Variants in SFMBT1 observed in about 807,000 individuals in gnomAD.
SFMBT1 encodes Scm like with four mbt domains 1.
Under a neutral mutation model 108.7 loss-of-function variants are expected in SFMBT1, and 32 were observed. The observed-to-expected ratio is 0.29, with a 90% CI of 0.22 to 0.40. The LOEUF (loss-of-function observed/expected upper bound fraction) is 0.40, where lower values mean the gene tolerates loss of function less well. Ranked by LOEUF, SFMBT1 falls within the 10% of genes least tolerant of loss-of-function variation. SFMBT1 has a pLI of 1.00. For synonymous variants in SFMBT1, 348 were observed against 369.5 expected (o/e 0.94, Z 0.67); for missense variants, 816 against 1,059.6 (o/e 0.77, Z 3.19).
chr3:52,973,161 G>A (rs981544176), intron 1 of SFMBT1, among the ~76,000 whole-genome samples: 3 of 152,138 alleles, frequency 2.0e-5, no homozygotes, highest in Non-Finnish European at 4.4e-5. Context: ...AGGTTACCAT[G>A]AGCAATGATC....
In SFMBT1 at chr3:52,913,614, A is replaced by C. The variant is rs777390457; in HGVS notation, c.1484T>G (p.Met495Arg). The stretch of plus-strand genomic sequence containing the variant: ...TGGACAGCAATATTTTCCATTAATC[A>C]TAACTGGGAAATGAAGAAAAACAAA... ...NQELNSTESVMINGKYCCPKI... is the reference protein window; with the variant it reads ...NQELNSTESVRINGKYCCPKI... The change falls in exon 15 of 21, where the codon ATG becomes AGG. Residue 495 changes from methionine to arginine, a missense_variant. By Grantham distance (91) the Met-to-Arg change is moderately conservative. Coordinates refer to ENST00000394752, the MANE Select transcript of SFMBT1 (RefSeq NM_016329.4). 7 of 1,612,954 alleles carry C rather than the reference A, an allele frequency of 4.3e-6. No homozygotes were observed. The highest frequency in any genetic ancestry group is 2.2e-5 in the East Asian group (1 of 44,880).
intron 10 of SFMBT1, among the ~76,000 whole-genome samples, chr3:52,923,759 G>A (rs1702580941): frequency 6.6e-6 from 1 of 151,792 alleles, no homozygotes; most frequent in African/African-American, 2.4e-5. Context: ...GATCCAGAGG[G>A]CCACAACCAA....
chr3:52,917,801 C>A (rs1282571725), intron 13 of SFMBT1, among the ~76,000 whole-genome samples: 3 of 152,132 alleles, frequency 2.0e-5, no homozygotes, highest in African/African-American at 4.8e-5. Flanking sequence ...AGTTTCATCC[C>A]AAAACCATTC....
chr3:52,962,808 C>CAAAAAAAAA lies in SFMBT1; in HGVS notation c.28+6284_28+6292dup, dbSNP rs369325114. Among the ~76,000 whole-genome samples, 461 of 101,372 alleles carry CAAAAAAAAA rather than the reference C, an allele frequency of 4.5e-3. 29 individuals are homozygous for CAAAAAAAAA. Among genetic ancestry groups the CAAAAAAAAA allele is most frequent in the African/African-American group, 0.018 (439 of 24,674 alleles). The allele number at this position is 101,372 out of a possible 152,430, so 66.5% of individuals were successfully genotyped here. A position where few individuals can be genotyped will look rare whatever the true frequency, so the allele number is the denominator to read the frequency against. ...GGTGACAGAGCAAGGCTCCCTGTCT[C>CAAAAAAAAA]AAAAAAAAAAAAAAAAGGAGAGGGA... On this transcript the variant is annotated intron_variant, in intron 2 of 20. Transcript: ENST00000394752.
At chr3:53,007,310 C>T (rs566566493) in intron 1 of SFMBT1, among the ~76,000 whole-genome samples, 1 of 152,340 alleles carries the variant, frequency 6.6e-6, no homozygotes, top group East Asian at 1.9e-4. Flanking sequence ...GAATATCAGG[C>T]TGCCTGCCAC....
At chr3:53,043,214 C>G (rs1400739134) in intron 1 of SFMBT1, 1 of 151,974 alleles carries the variant, frequency 6.6e-6, no homozygotes, top group Non-Finnish European at 1.5e-5. Context: ...CAAATTGTTG[C>G]AGCATTTGCT....
At chr3:52,982,943 T>A (rs1041945664) in intron 1 of SFMBT1, among the ~76,000 whole-genome samples, 1 of 152,142 alleles carries the variant, frequency 6.6e-6, no homozygotes, top group Non-Finnish European at 1.5e-5. Context: ...AGGACTGCTT[T>A]TATGACAAGA....
At chr3:53,029,474 G>GC in intron 1 of SFMBT1, among the ~76,000 whole-genome samples, 1 of 152,236 alleles carries the variant, frequency 6.6e-6, no homozygotes, top group East Asian at 1.9e-4. Context: ...CAGAACAGGA[G>GC]CAGCATTTTT....
At chr3:52,983,222 C>T (rs1379173400) in intron 1 of SFMBT1, among the ~76,000 whole-genome samples, 2 of 152,242 alleles carry the variant, frequency 1.3e-5, no homozygotes, top group East Asian at 3.9e-4. Context: ...GGATGAAGAC[C>T]TTTATGATGA....
chr3:52,983,160 C>A (rs1704775307), intron 1 of SFMBT1, among the ~76,000 whole-genome samples: 1 of 152,204 alleles, frequency 6.6e-6, no homozygotes, highest in Non-Finnish European at 1.5e-5. Flanking sequence ...AAGACAGCAA[C>A]ACCAACCTCT....
chr3:53,007,130 T>C (rs970337676), intron 1 of SFMBT1, among the ~76,000 whole-genome samples: 1 of 152,258 alleles, frequency 6.6e-6, no homozygotes, highest in African/African-American at 2.4e-5. Context: ...GTTTCAATGA[T>C]ACTAAAATGC....
At chr3:52,908,585 A>AT (rs956572991) in intron 17 of SFMBT1, among the ~76,000 whole-genome samples, 6 of 151,378 alleles carry the variant, frequency 4.0e-5, no homozygotes, top group African/African-American at 1.2e-4. Context: ...CCATTGTTCT[A>AT]TTTTTTTGAG....
chr3:52,994,586 GCCTCCTGGATT>G (rs988868755), intron 1 of SFMBT1, among the ~76,000 whole-genome samples: 5 of 150,398 alleles, frequency 3.3e-5, no homozygotes, highest in Non-Finnish European at 6.0e-5. Context: ...CACAATCTCC[GCCTCCTGGATT>G]CAAGCAATTC....
intron 1 of SFMBT1, among the ~76,000 whole-genome samples, chr3:52,980,888 C>A (rs932342684): frequency 6.6e-6 from 1 of 152,158 alleles, no homozygotes; most frequent in Non-Finnish European, 1.5e-5. Flanking sequence ...GGAGTCCGGT[C>A]GCGGTAGCTC....
intron 1 of SFMBT1, among the ~76,000 whole-genome samples, chr3:52,977,790 T>A (rs59121589): frequency 0.026 from 3,917 of 152,222 alleles, 183 homozygotes; most frequent in African/African-American, 0.09. Context: ...GAAGAATACA[T>A]CCAAATCATT....
intron 1 of SFMBT1, among the ~76,000 whole-genome samples, chr3:53,022,833 G>T (rs955256058): frequency 6.6e-6 from 1 of 152,068 alleles, no homozygotes; most frequent in African/African-American, 2.4e-5. Context: ...TGATGGAGAC[G>T]GACTGTGGTA....
At chr3:52,916,354 T>TA in intron 13 of SFMBT1, 140 bp from the exon 14 acceptor site, 2 of 498,258 alleles carry the variant, frequency 4.0e-6, no homozygotes, top group Non-Finnish European at 3.4e-6. Context: ...CCCTTGATGA[T>TA]ACTTTTTTTT....
intron 1 of SFMBT1, among the ~76,000 whole-genome samples, chr3:53,016,710 T>A (rs1699138272): frequency 6.6e-6 from 1 of 152,236 alleles, no homozygotes; most frequent in Non-Finnish European, 1.5e-5. Context: ...TCTATGTGAT[T>A]ATTTATTCTC....
chr3:53,036,982 A>G (rs1378933259), intron 1 of SFMBT1, among the ~76,000 whole-genome samples: 2 of 152,204 alleles, frequency 1.3e-5, no homozygotes, highest in East Asian at 3.8e-4. Context: ...GGTCACAATG[A>G]GATAAAAGAC....
Sources: gnomAD v4.1 joint callset for allele counts (sites outside exome capture counted in the v4.1 genomes callset) on GRCh38, gnomAD v4.1.1 for gene constraint, MANE v1.5 for transcripts, NCBI Gene and HGNC (gene_info 2026-07-23, HGNC 2026-07-21) for gene names.